Variants in POLI observed in about 807,000 individuals in gnomAD.
POLI encodes DNA polymerase iota, also known as RAD30 homolog B.
Under a neutral mutation model 51.6 loss-of-function variants are expected in POLI, and 58 were observed. The observed-to-expected ratio is 1.12, with a 90% CI of 0.91 to 1.40. POLI has a LOEUF of 1.40. Among genes scored for constraint, POLI ranks in the 40% most tolerant of loss-of-function variants. The pLI is 0.00. For synonymous variants in POLI, 322 were observed against 299.7 expected, an observed-to-expected ratio of 1.07 and a Z score of -0.77; for missense variants, 921 against 871.3, an observed-to-expected ratio of 1.06 and a Z score of -0.72.
At chr18:54,298,584 G>T (rs372827773), downstream of POLI, among the ~76,000 whole-genome samples, 14 of 127,886 alleles carry the variant, frequency 1.1e-4, 1 homozygote, top group Admixed American at 8.4e-4. Flanking sequence ...TTATACTACA[G>T]AATCTTTTTT....
chr18:54,296,757 CAAT>C lies in POLI; in HGVS notation c.*2291_*2293del, dbSNP rs1032196374. 55 of 346,080 alleles carry C rather than the reference CAAT, an allele frequency of 1.6e-4. No homozygotes were observed. The highest frequency in any genetic ancestry group is 1.5e-3 in the Middle Eastern group (1 of 688). The allele number at this position is 346,080 out of a possible 1,614,324, so 21.4% of individuals were successfully genotyped here. A position where few individuals can be genotyped will look rare whatever the true frequency, so the allele number is the denominator to read the frequency against. On this transcript the variant is annotated 3_prime_UTR_variant, in exon 10 of 10. Transcript: ENST00000579534. ...GTAGCATCTCACCTGCTATTTAAAA[CAAT>C]GATGGTTTTAATTTCAATAAATATA...
downstream of POLI, among the ~76,000 whole-genome samples, chr18:54,301,154 C>CTGTA (rs1409089372): frequency 2.0e-5 from 3 of 152,216 alleles, no homozygotes; most frequent in Non-Finnish European, 4.4e-5. Context: ...TGGCGGGCAC[C>CTGTA]TGTAATCTTA....
intron 3 of POLI, among the ~76,000 whole-genome samples, chr18:54,308,515 T>C (rs1309995620): frequency 3.9e-5 from 6 of 152,202 alleles, no homozygotes; most frequent in Admixed American, 3.9e-4. Flanking sequence ...GCCCTTAACA[T>C]TTTTTCCTTC....
rs113363021 is a variant in POLI, at chr18:54,276,607, T to C, written c.407-1096T>C. 9.8e-5 allele frequency among the ~76,000 whole-genome samples: 15 copies of C among 152,330 alleles called. No individual in the cohort carries two copies. In the East Asian group the frequency reaches 1.2e-3, roughly 12 times the overall value. On this transcript the variant is annotated intron_variant, in intron 3 of 9. Transcript: ENST00000579534. ...TACTTTTGAAAATAAATTGCCGAAA[T>C]TGATGAAGGAAATGCAAAACAATCA...
intron 9 of POLI, among the ~76,000 whole-genome samples, chr18:54,292,310 A>G (rs529498011): frequency 7.2e-5 from 11 of 152,188 alleles, no homozygotes; most frequent in Non-Finnish European, 1.6e-4. Context: ...ATTTTATAGT[A>G]TATAAAAATA....
At chr18:54,306,004 C>T (rs184769250) in intron 3 of POLI, among the ~76,000 whole-genome samples, 16 of 152,192 alleles carry the variant, frequency 1.1e-4, no homozygotes, top group East Asian at 5.8e-4. Flanking sequence ...ATGATCCGCC[C>T]GCCTCAGCCT....
downstream of POLI, among the ~76,000 whole-genome samples, chr18:54,302,623 A>G (rs997323489): frequency 2.0e-5 from 3 of 152,218 alleles, no homozygotes; most frequent in Non-Finnish European, 4.4e-5. Context: ...TTTACAAACA[A>G]TCAACTTATA....
At chr18:54,299,272 C>T (rs1235054936), downstream of POLI, among the ~76,000 whole-genome samples, 2 of 152,014 alleles carry the variant, frequency 1.3e-5, no homozygotes, top group Non-Finnish European at 2.9e-5. Context: ...CTGTCTCTAC[C>T]AAAATACAAA....
intron 1 of POLI, chr18:54,271,147 C>T: frequency 2.8e-6 from 1 of 360,518 alleles, no homozygotes; most frequent in Non-Finnish European, 4.7e-6. Flanking sequence ...CTGAGAAAAA[C>T]GCAGTGCACA....
intron 3 of POLI, among the ~76,000 whole-genome samples, chr18:54,307,837 A>G (rs1436845787): frequency 2.0e-5 from 3 of 151,310 alleles, no homozygotes; most frequent in Admixed American, 1.3e-4. Context: ...ACCATTATAT[A>G]ATGGCCTTGT....
Position 54,296,416 on chromosome 18 carries a change from T to C in POLI, c.*1949T>C. 1 of 957,320 alleles carries C rather than the reference T, an allele frequency of 1.0e-6. No individual in the cohort carries two copies. Among genetic ancestry groups the C allele is most frequent in the Non-Finnish European group, 1.2e-6 (1 of 804,286 alleles). The allele number at this position is 957,320 out of a possible 1,614,324, so 59.3% of individuals were successfully genotyped here. On this transcript the variant is annotated 3_prime_UTR_variant, in exon 10 of 10. Transcript: ENST00000579534. The stretch of plus-strand genomic sequence containing the variant: ...ATCAACTTTTTTATGGGATCTTTTT[T>C]CTCTGTTTTTAAGATTATCTCTTTT...
At position 54,284,440 on chromosome 18, in the gene POLI, C is replaced by T. The variant is rs1020750298; in HGVS notation, c.1067+427C>T. Among the ~76,000 whole-genome samples the T allele has an allele frequency of 2.6e-5, 4 of 152,188 alleles. No homozygotes were observed. The South Asian group carries it at 6.2e-4, about 24-fold the overall frequency. On this transcript the variant is annotated intron_variant, in intron 7 of 9. Transcript: ENST00000579534. ...GTACCATGCTAAATACAAATACATG[C>T]GAAATACAAAACCCGTGAAATTAAC...
intron 2 of POLI, among the ~76,000 whole-genome samples, chr18:54,273,424 G>T: frequency 6.7e-6 from 1 of 149,310 alleles, no homozygotes; most frequent in South Asian, 2.1e-4. Flanking sequence ...CTATTATATG[G>T]CAGTATAAAT....
chr18:54,293,631 G>A lies in POLI; in HGVS notation c.1405-18G>A. On this transcript the variant is annotated intron_variant, in intron 9 of 9. Transcript: ENST00000579534. ...AGATATCAGATATGTAAATTAGTCT[G>A]TTATTCTTGTGTTCTAGAAAATGAA... 6.7e-7 allele frequency: 1 copy of A among 1,499,084 alleles called. No homozygotes were observed. Among genetic ancestry groups the A allele is most frequent in the South Asian group, 1.4e-5 (1 of 73,998 alleles). 92.9% of individuals were successfully genotyped at this position (1,499,084 alleles called of 1,614,324 possible). A position where few individuals can be genotyped will look rare whatever the true frequency, so the allele number is the denominator to read the frequency against.
At chr18:54,270,456 C>T (rs1364740693) in intron 1 of POLI, 7 of 152,220 alleles carry the variant, frequency 4.6e-5, no homozygotes, top group Non-Finnish European at 1.5e-5. Flanking sequence ...GCCATCGTGC[C>T]TGGCCTTTTA....
In POLI at chr18:54,294,817, T is replaced by C. The variant is rs1480017003; in HGVS notation, c.*350T>C. 1.2e-5 allele frequency: 4 copies of C among 322,486 alleles called. No individual in the cohort carries two copies. In the African/African-American group the frequency reaches 7.5e-4, roughly 60 times the overall value. The allele number at this position is 322,486 out of a possible 1,614,324, so 20.0% of individuals were successfully genotyped here. On this transcript the variant is annotated 3_prime_UTR_variant, in exon 10 of 10. Transcript: ENST00000579534. Reference sequence around the variant, plus strand: ...TGCAATGATATGGTAAAGGACACATTTTTTTTTTTTTTTTCCTGTGAAATG... The same window carrying C: ...TGCAATGATATGGTAAAGGACACATCTTTTTTTTTTTTTTCCTGTGAAATG...
downstream of POLI, among the ~76,000 whole-genome samples, chr18:54,298,799 G>C (rs547657291): frequency 3.9e-5 from 6 of 151,978 alleles, no homozygotes; most frequent in East Asian, 1.2e-3. Context: ...ATGTTGGTCA[G>C]GCTGATCTTG....
At chr18:54,304,105 G>A (rs2088539258) in intron 3 of POLI, among the ~76,000 whole-genome samples, 1 of 152,050 alleles carries the variant, frequency 6.6e-6, no homozygotes, top group Non-Finnish European at 1.5e-5. Context: ...CCTTTTTATG[G>A]CTGCATAGTA....
At chr18:54,272,420 G>A (rs1425261998) in intron 2 of POLI, among the ~76,000 whole-genome samples, 2 of 152,064 alleles carry the variant, frequency 1.3e-5, no homozygotes, top group Non-Finnish European at 2.9e-5. Context: ...GGGAAGTGAG[G>A]GATATGAATG....
Sources: gnomAD v4.1 joint callset for allele counts (sites outside exome capture counted in the v4.1 genomes callset) on GRCh38, gnomAD v4.1.1 for gene constraint, MANE v1.5 for transcripts, NCBI Gene and HGNC (gene_info 2026-07-23, HGNC 2026-07-21) for gene names.